The following SCN7A variants were observed in gnomAD, a reference collection of about 807,000 sequenced individuals.
SCN7A encodes the protein sodium channel protein type 7 subunit alpha.
Under a neutral mutation model 155.2 loss-of-function variants are expected in SCN7A, and 138 were observed. The ratio of observed to expected loss-of-function variants is 0.89; its 90% CI spans 0.77 to 1.02. SCN7A has a LOEUF of 1.02. Ranked by LOEUF, SCN7A falls within the 50% of genes least tolerant of loss-of-function variation. The probability of loss-of-function intolerance (pLI) is 0.00; values close to 1 mark genes in which losing one functional copy is unlikely to be tolerated. For missense variants in SCN7A, 2,058 were observed against 1,986.6 expected, an observed-to-expected ratio of 1.04 and a Z score of -0.68; for synonymous variants, 693 against 649.0, an observed-to-expected ratio of 1.07 and a Z score of -1.03.
chr2:166,479,536 T>C (rs1702873649), intron 2 of SCN7A, among the ~76,000 whole-genome samples: 2 of 152,064 alleles, frequency 1.3e-5, no homozygotes. Context: ...TGGGTTTTGC[T>C]TTGCTTTTCA....
At chr2:166,429,481 CTTACT>C (rs879833939) in intron 16 of SCN7A, among the ~76,000 whole-genome samples, 10 of 152,002 alleles carry the variant, frequency 6.6e-5, no homozygotes, top group African/African-American at 1.2e-4. Flanking sequence ...TTGTATGATA[CTTACT>C]TTAAGCTAAA....
rs902169480 is a variant in SCN7A, at chr2:166,447,798, C to A, written c.1291-90G>T. The A allele has an allele frequency of 7.4e-6, 6 of 811,004 alleles. No individual in the cohort carries two copies. The African/African-American group carries it at 1.0e-4, about 14-fold the overall frequency. 50.2% of individuals were successfully genotyped at this position (811,004 alleles called of 1,614,324 possible). On this transcript the variant is annotated intron_variant, in intron 11 of 25. Transcript: ENST00000643258. ...GTGCACAGCCTTGCTAAAAATGCCACTTATTCTCCCGGAGCCTTTTCTTTT... is the reference window on the plus strand; with the variant it reads ...GTGCACAGCCTTGCTAAAAATGCCAATTATTCTCCCGGAGCCTTTTCTTTT...
intron 10 of SCN7A, among the ~76,000 whole-genome samples, chr2:166,460,732 T>A (rs988884524): frequency 2.6e-5 from 4 of 152,120 alleles, no homozygotes; most frequent in African/African-American, 4.8e-5. Context: ...AAAAGCTCAT[T>A]TAGGAAGCAG....
chr2:166,463,425 A>G (rs1702456721), intron 9 of SCN7A, among the ~76,000 whole-genome samples: 1 of 152,144 alleles, frequency 6.6e-6, no homozygotes, highest in African/African-American at 2.4e-5. Flanking sequence ...GTGCATTGGG[A>G]CTTGCTACAT....
intron 15 of SCN7A, 80 bp downstream of exon 15, chr2:166,441,316 T>C (rs1472016456): frequency 2.8e-5 from 27 of 967,536 alleles, no homozygotes; most frequent in South Asian, 1.7e-4. Flanking sequence ...GACCATTAGA[T>C]CCCATCAATG....
intron 18 of SCN7A, 38 bp from the exon 19 acceptor site, chr2:166,423,470 A>G: frequency 6.8e-7 from 1 of 1,467,164 alleles, no homozygotes; most frequent in African/African-American, 1.4e-5. Context: ...TTAGGTGTAC[A>G]GGTAATTTCT....
intron 7 of SCN7A, among the ~76,000 whole-genome samples, chr2:166,467,562 G>A (rs956320238): frequency 6.6e-6 from 1 of 150,830 alleles, no homozygotes. Context: ...GTTTTTGGCA[G>A]AGCCTTAATT....
chr2:166,449,843 A>T (rs1478577240), intron 11 of SCN7A, among the ~76,000 whole-genome samples: 1 of 152,184 alleles, frequency 6.6e-6, no homozygotes, highest in African/African-American at 2.4e-5. Context: ...GTTGTGGAGA[A>T]ATTGGAATGC....
rs2105353356 is a variant in SCN7A at position 166,405,597 on chromosome 2, T to C, written c.5032A>G (p.Ile1678Val). Residue 1678 changes from isoleucine (I) to valine (V), a missense_variant, in exon 26 of 26, where the codon ATT (isoleucine) becomes GTT (valine). Transcript: ENST00000643258. ...YFDKAKEKSP[I>V]QSQI is the part of the protein sequence containing the mutation. ...AAGTGGTATTAGATCTGGCTTTGAATAGGTGACTTTTCCTTAGCTTTGTCA... is the reference window on the plus strand; with the variant it reads ...AAGTGGTATTAGATCTGGCTTTGAACAGGTGACTTTTCCTTAGCTTTGTCA... 2 of 1,588,926 alleles carry C rather than the reference T, an allele frequency of 1.3e-6. No individual in the cohort carries two copies. Among genetic ancestry groups the C allele is most frequent in the East Asian group, 2.2e-5 (1 of 44,678 alleles).
intron 3 of SCN7A, among the ~76,000 whole-genome samples, chr2:166,475,121 C>CGTATATATATATATATATATATATGT (rs1553520555): frequency 2.0e-5 from 2 of 102,234 alleles, no homozygotes; most frequent in African/African-American, 8.1e-5. Flanking sequence ...TATATATATA[C>CGTATATATATATATATATATATATGT]ATATATATAT....
chr2:166,423,489 T>A (rs1701556848), intron 18 of SCN7A, 57 bp from the exon 19 acceptor site: 8 of 1,445,150 alleles, frequency 5.5e-6, no homozygotes, highest in Non-Finnish European at 7.3e-6. Flanking sequence ...CTAAAAACTC[T>A]TTTGACATAA....
rs61576399 is a variant in SCN7A, at chr2:166,456,803, AATATATATATAT to A, written c.1290+55_1290+66del. The A allele has an allele frequency of 1.1e-3, 577 of 505,820 alleles. 7 individuals carry two copies. The highest frequency in any genetic ancestry group is 5.9e-3 in the Middle Eastern group (10 of 1,694). The allele number at this position is 505,820 out of a possible 1,614,324, so 31.3% of individuals were successfully genotyped here. A position where few individuals can be genotyped will look rare whatever the true frequency, so the allele number is the denominator to read the frequency against. Reference sequence around the variant, plus strand: ...TAAATGATTGCTGTTTCAAGACTAAAATATATATATATATATATATATATATAGATAGATAGA... The same window carrying A: ...TAAATGATTGCTGTTTCAAGACTAAAATATATATATATATAGATAGATAGA... On this transcript the variant is annotated intron_variant, in intron 11 of 25. Transcript: ENST00000643258.
At chr2:166,489,229 G>C (rs1437788280) in intron 1 of SCN7A, among the ~76,000 whole-genome samples, 1 of 152,148 alleles carries the variant, frequency 6.6e-6, no homozygotes, top group Non-Finnish European at 1.5e-5. Flanking sequence ...GTAAAGTTGA[G>C]AACAACTTGC....
intron 7 of SCN7A, 22 bp downstream of exon 7, chr2:166,470,593 G>T: frequency 6.4e-7 from 1 of 1,572,064 alleles, no homozygotes; most frequent in Non-Finnish European, 8.7e-7. Flanking sequence ...ATGAAGAAAA[G>T]ACATTCAATG....
At chr2:166,467,849 T>C (rs1186371399) in intron 7 of SCN7A, among the ~76,000 whole-genome samples, 3 of 151,942 alleles carry the variant, frequency 2.0e-5, no homozygotes, top group African/African-American at 7.2e-5. Context: ...TTTAAACCAA[T>C]TGCATTTATT....
intron 20 of SCN7A, among the ~76,000 whole-genome samples, chr2:166,419,946 T>C (rs1481962319): frequency 1.3e-5 from 2 of 152,156 alleles, no homozygotes; most frequent in African/African-American, 2.4e-5. Flanking sequence ...ATCAAATGTA[T>C]TTAAGAAACA....
chr2:166,425,216 T>C (rs1242901765), intron 18 of SCN7A, among the ~76,000 whole-genome samples: 2 of 152,110 alleles, frequency 1.3e-5, no homozygotes, highest in African/African-American at 2.4e-5. Context: ...AAAAACTCTC[T>C]TTAAGGTCTA....
chr2:166,465,821 T>G lies in SCN7A; in HGVS notation c.831A>C (p.Glu277Asp). 3 of 1,613,922 alleles carry G rather than the reference T, an allele frequency of 1.9e-6. No individual in the cohort carries two copies. The highest frequency in any genetic ancestry group is 8.5e-7 in the Non-Finnish European group (1 of 1,179,848). ...GGTTTCCAGTTCTGTTGTGCAGGGT[T>G]TCATTTTCATTCTCTTGGGGCCATC... ...CFRWPQENENETLHNRTGNPY... is the reference protein window; with the variant it reads ...CFRWPQENENDTLHNRTGNPY... The change falls in exon 8 of 26, where the codon GAA (glutamate) becomes GAC (aspartate). Residue 277 changes from glutamate (E) to aspartate (D), a missense_variant. Coordinates refer to ENST00000643258, the MANE Select transcript of SCN7A (RefSeq NM_002976.4).
At chr2:166,469,258 T>C (rs1409416532) in intron 7 of SCN7A, among the ~76,000 whole-genome samples, 3 of 151,770 alleles carry the variant, frequency 2.0e-5, no homozygotes, top group Non-Finnish European at 4.4e-5. Flanking sequence ...TGTGCTTGTT[T>C]GATGCACTTA....
Sources: allele counts gnomAD v4.1 joint callset (sites outside exome capture counted in the v4.1 genomes callset), GRCh38; gene constraint gnomAD v4.1.1; transcripts MANE v1.5; gene names NCBI Gene and HGNC (gene_info 2026-07-23, HGNC 2026-07-21).